ARHGEF7: variants seen among roughly 807,000 people sequenced by gnomAD.
The protein encoded by ARHGEF7 is Rho guanine nucleotide exchange factor 7.
Under a neutral mutation model 109.8 loss-of-function variants are expected in ARHGEF7, and 33 were observed. That is an observed-to-expected ratio of 0.30 (90% CI 0.23 to 0.40). The LOEUF (loss-of-function observed/expected upper bound fraction) is 0.40, where lower values mean the gene tolerates loss of function less well. ARHGEF7 is among the 10% of genes least tolerant of loss of function. ARHGEF7 has a pLI of 1.00. For synonymous variants in ARHGEF7, 458 were observed against 424.6 expected (o/e 1.08, Z -0.97); for missense variants, 938 against 1,098.5 (o/e 0.85, Z 2.07).
chr13:111,172,186 A>G (rs554592892), intron 2 of ARHGEF7, among the ~76,000 whole-genome samples: 11 of 152,240 alleles, frequency 7.2e-5, no homozygotes, highest in Non-Finnish European at 1.5e-4. Flanking sequence ...GATTGTAACA[A>G]AATGAATTCA....
intron 8 of ARHGEF7, among the ~76,000 whole-genome samples, chr13:111,249,652 T>C (rs748630418): frequency 4.6e-5 from 7 of 152,152 alleles, no homozygotes; most frequent in Non-Finnish European, 5.9e-5. Context: ...AAGCTGGTAC[T>C]TGACATTGCC....
rs149534778 is a variant in ARHGEF7, at chr13:111,250,899, C to A, written c.950+6605C>A. Among the ~76,000 whole-genome samples, 682 of 152,332 alleles carry A rather than the reference C, an allele frequency of 4.5e-3. 4 individuals carry two copies. Among genetic ancestry groups the A allele is most frequent in the Middle Eastern group, 0.017 (5 of 294 alleles). On this transcript the variant is annotated intron_variant, in intron 8 of 21. Transcript: ENST00000646102. ...GATGGGAGCAGAGTTTCTAGGCCCT[C>A]TGGGTGCAGCACCTCCGTGCTTTCA... is the stretch of plus-strand genomic sequence containing the variant.
intron 2 of ARHGEF7, chr13:111,159,004 A>G (rs952668908): frequency 2.8e-6 from 2 of 717,930 alleles, no homozygotes; most frequent in Non-Finnish European, 5.2e-6. Context: ...CCTTTGACTA[A>G]CATCTCCCCT....
intron 2 of ARHGEF7, among the ~76,000 whole-genome samples, chr13:111,196,493 A>G (rs755621531): frequency 6.6e-6 from 1 of 152,182 alleles, no homozygotes; most frequent in Non-Finnish European, 1.5e-5. Flanking sequence ...TAGGAAATCT[A>G]TCAGGATCAT....
rs1042746221 is a variant in ARHGEF7, at chr13:111,186,944, A to G, written c.253-18345A>G. Reference sequence around the variant, plus strand: ...TTTGGGGTCTACTACGTAGAGGTGCATCAGCCAGCGCTACCATGGAGGCAG... The same window carrying G: ...TTTGGGGTCTACTACGTAGAGGTGCGTCAGCCAGCGCTACCATGGAGGCAG... On this transcript the variant is annotated intron_variant, in intron 2 of 21. Coordinates refer to ENST00000646102, the MANE Select transcript of ARHGEF7 (RefSeq NM_001354046.2). 1.1e-4 allele frequency: 107 copies of G among 985,526 alleles called. No homozygotes were observed. The African/African-American group carries it at 1.9e-3, about 17-fold the overall frequency. 61.0% of individuals were successfully genotyped at this position (985,526 alleles called of 1,614,324 possible).
intron 6 of ARHGEF7, among the ~76,000 whole-genome samples, chr13:111,233,712 G>A (rs1246573330): frequency 6.6e-6 from 1 of 152,170 alleles, no homozygotes; most frequent in African/African-American, 2.4e-5. Flanking sequence ...TCTTAATATA[G>A]TGTTTCCCAG....
At position 111,221,195 on chromosome 13, in the gene ARHGEF7, A is replaced by G. The variant is rs184218368; in HGVS notation, c.670+3315A>G. Among the ~76,000 whole-genome samples, 249 of 70,954 alleles carry G rather than the reference A, an allele frequency of 3.5e-3. 1 individual carries two copies. The highest frequency in any genetic ancestry group is 4.4e-3 in the Non-Finnish European group (160 of 36,334). The allele number at this position is 70,954 out of a possible 152,430, so 46.5% of individuals were successfully genotyped here. A position where few individuals can be genotyped will look rare whatever the true frequency, so the allele number is the denominator to read the frequency against. On this transcript the variant is annotated intron_variant, in intron 5 of 21. Transcript: ENST00000646102. ...TCTATATAGATATATATGTCTATATATATCTATATAGATATATATGTCTAT... is the reference window on the plus strand; with the variant it reads ...TCTATATAGATATATATGTCTATATGTATCTATATAGATATATATGTCTAT...
At position 111,300,858 on chromosome 13, in the gene ARHGEF7, T is replaced by C. The variant is rs1430690962; in HGVS notation, c.2411+11T>C. 34 of 1,553,352 alleles carry C rather than the reference T, an allele frequency of 2.2e-5. No individual in the cohort carries two copies. Among genetic ancestry groups the C allele is most frequent in the Non-Finnish European group, 2.9e-5 (33 of 1,130,248 alleles). On this transcript the variant is annotated intron_variant, in intron 20 of 21. Transcript: ENST00000646102. ...AGTGATAGAAGAAAAGTAAGATGTC[T>C]TCCGGTATTCTAAAGCAGATGTTTG... is the stretch of plus-strand genomic sequence containing the variant.
intron 1 of ARHGEF7, among the ~76,000 whole-genome samples, chr13:111,147,737 G>C (rs536095597): frequency 1.7e-5 from 2 of 120,716 alleles, no homozygotes; most frequent in Non-Finnish European, 3.2e-5. Context: ...TCGCTCTGTC[G>C]CCCAGGCTGG....
chr13:111,221,331 C>CAT lies in ARHGEF7; in HGVS notation c.670+3451_670+3452insAT, dbSNP rs1366244928. Among the ~76,000 whole-genome samples the CAT allele has an allele frequency of 4.9e-3, 36 of 7,302 alleles. 2 individuals are homozygous for CAT. The highest frequency in any genetic ancestry group is 7.7e-3 in the Non-Finnish European group (30 of 3,914). 4.8% of individuals were successfully genotyped at this position (7,302 alleles called of 152,430 possible). A position where few individuals can be genotyped will look rare whatever the true frequency, so the allele number is the denominator to read the frequency against. Reference sequence around the variant, plus strand: ...TATATCTATATATAGATATATATGTCTATATATATCTATATATATGTCTAT... The same window carrying CAT: ...TATATCTATATATAGATATATATGTCATTATATATATCTATATATATGTCTAT... On this transcript the variant is annotated intron_variant, in intron 5 of 21. Coordinates refer to ENST00000646102, the MANE Select transcript of ARHGEF7 (RefSeq NM_001354046.2).
At chr13:111,206,886 C>T (rs560746871) in intron 3 of ARHGEF7, among the ~76,000 whole-genome samples, 4 of 148,908 alleles carry the variant, frequency 2.7e-5, no homozygotes, top group Non-Finnish European at 5.9e-5. Flanking sequence ...GGCGTGAACC[C>T]GGGAGGCGGA....
chr13:111,262,698 G>C (rs1191778466), intron 8 of ARHGEF7, among the ~76,000 whole-genome samples: 1 of 152,148 alleles, frequency 6.6e-6, no homozygotes, highest in African/African-American at 2.4e-5. Flanking sequence ...TTTCTCAAGT[G>C]TTTTTTCTGA....
intron 8 of ARHGEF7, among the ~76,000 whole-genome samples, chr13:111,260,611 A>C (rs899622077): frequency 2.0e-5 from 3 of 152,282 alleles, no homozygotes; most frequent in African/African-American, 7.2e-5. Context: ...GAAATGCTAA[A>C]GGGAGTTCTT....
chr13:111,178,582 C>T (rs1307710633), intron 2 of ARHGEF7, among the ~76,000 whole-genome samples: 2 of 152,206 alleles, frequency 1.3e-5, no homozygotes, highest in Non-Finnish European at 2.9e-5. Context: ...ATGCTGACCC[C>T]AGCATCTCTC....
chr13:111,267,526 C>T, intron 8 of ARHGEF7, 22 bp from the exon 9 acceptor site: 2 of 1,613,040 alleles, frequency 1.2e-6, no homozygotes, highest in South Asian at 1.1e-5. Context: ...TGACTATTTC[C>T]CTTTGTGTCG....
chr13:111,125,351 T>A (rs2067487160), intron 1 of ARHGEF7, among the ~76,000 whole-genome samples: 1 of 151,660 alleles, frequency 6.6e-6, no homozygotes. Context: ...TGCTTGGTAT[T>A]TTGTGCATAA....
At chr13:111,260,757 T>C (rs1247242435) in intron 8 of ARHGEF7, among the ~76,000 whole-genome samples, 1 of 152,132 alleles carries the variant, frequency 6.6e-6, no homozygotes, top group African/African-American at 2.4e-5. Flanking sequence ...GTAGAAAGGT[T>C]AAAAGATGAA....
At chr13:111,257,143 T>C (rs1167834547) in intron 8 of ARHGEF7, among the ~76,000 whole-genome samples, 2 of 152,198 alleles carry the variant, frequency 1.3e-5, no homozygotes, top group East Asian at 1.9e-4. Context: ...AGTGGGATTT[T>C]CCCCCCACCC....
intron 8 of ARHGEF7, among the ~76,000 whole-genome samples, chr13:111,250,535 A>G (rs1216475177): frequency 6.6e-6 from 1 of 152,202 alleles, no homozygotes; most frequent in Admixed American, 6.5e-5. Flanking sequence ...TGAGGGGTAA[A>G]TGGGAGGTAA....
Sources: gnomAD v4.1 joint callset for allele counts (sites outside exome capture counted in the v4.1 genomes callset) on GRCh38, gnomAD v4.1.1 for gene constraint, MANE v1.5 for transcripts, NCBI Gene and HGNC (gene_info 2026-07-23, HGNC 2026-07-21) for gene names.